Variants in TMEM217 observed in about 807,000 individuals in gnomAD.
TMEM217 encodes the protein chromosome 6 open reading frame 128.
For synonymous variants in TMEM217, 76 were observed against 88.3 expected, an observed-to-expected ratio of 0.86 and a Z score of 0.78; for missense variants, 204 against 248.8, an observed-to-expected ratio of 0.82 and a Z score of 1.21.
chr6:37,222,942 C>G (rs1763627195), intron 1 of TMEM217, among the ~76,000 whole-genome samples: 1 of 143,122 alleles, frequency 7.0e-6, no homozygotes, highest in Non-Finnish European at 1.5e-5. Flanking sequence ...GAAAAAGAAC[C>G]CAAATAGAAT....
At chr6:37,252,286 T>G (rs1765439717) in intron 1 of TMEM217, among the ~76,000 whole-genome samples, 1 of 152,108 alleles carries the variant, frequency 6.6e-6, no homozygotes, top group Non-Finnish European at 1.5e-5. Context: ...GTGGATAAAA[T>G]AAGTTTTATT....
chr6:37,227,454 T>A (rs1466545117), intron 1 of TMEM217, among the ~76,000 whole-genome samples: 1 of 152,230 alleles, frequency 6.6e-6, no homozygotes, highest in Non-Finnish European at 1.5e-5. Flanking sequence ...TTTTGTTTTT[T>A]GTTTTTGTTT....
At chr6:37,221,629 G>T (rs1375030844) in intron 1 of TMEM217, among the ~76,000 whole-genome samples, 2 of 152,174 alleles carry the variant, frequency 1.3e-5, no homozygotes, top group African/African-American at 4.8e-5. Flanking sequence ...GAAAATATAT[G>T]AAGAAACAGG....
chr6:37,257,872 G>A, exon 1 of TMEM217: 1 of 1,601,170 alleles, frequency 6.2e-7, no homozygotes, highest in Non-Finnish European at 8.5e-7. Context: ...GCATCTCGCC[G>A]GGCAAACCCT....
At chr6:37,230,595 G>A (rs925404046) in intron 1 of TMEM217, among the ~76,000 whole-genome samples, 1 of 152,020 alleles carries the variant, frequency 6.6e-6, no homozygotes, top group Admixed American at 6.6e-5. Context: ...ATGGCGCAGG[G>A]GTGGTGAGGG....
chr6:37,223,602 G>A (rs1015215264), intron 1 of TMEM217, among the ~76,000 whole-genome samples: 2 of 152,082 alleles, frequency 1.3e-5, no homozygotes, highest in Admixed American at 6.6e-5. Context: ...TCTGCCTCCC[G>A]GGTTCAAGCA....
chr6:37,243,628 C>G (rs1764903793), intron 1 of TMEM217, among the ~76,000 whole-genome samples: 1 of 152,154 alleles, frequency 6.6e-6, no homozygotes, highest in African/African-American at 2.4e-5. Context: ...GACAGAGTTT[C>G]TCTCTTGTTG....
chr6:37,231,589 C>T (rs1319544928), intron 1 of TMEM217, among the ~76,000 whole-genome samples: 5 of 147,224 alleles, frequency 3.4e-5, no homozygotes, highest in Non-Finnish European at 6.0e-5. Context: ...AGGAGAATGG[C>T]GTGAACCCGG....
At chr6:37,231,440 C>T (rs1283558885) in intron 1 of TMEM217, among the ~76,000 whole-genome samples, 9 of 149,804 alleles carry the variant, frequency 6.0e-5, no homozygotes, top group Non-Finnish European at 8.9e-5. Context: ...TTTGGGAGGC[C>T]GAGGCAGGCG....
At chr6:37,242,434 T>A (rs1764815347) in intron 1 of TMEM217, among the ~76,000 whole-genome samples, 1 of 152,226 alleles carries the variant, frequency 6.6e-6, no homozygotes, top group Non-Finnish European at 1.5e-5. Context: ...TTTCTTTGCC[T>A]TTAAGAGCCT....
intron 1 of TMEM217, among the ~76,000 whole-genome samples, chr6:37,238,955 C>A (rs896792467): frequency 1.3e-5 from 2 of 151,792 alleles, no homozygotes; most frequent in African/African-American, 4.8e-5. Flanking sequence ...CAGGGTGAAA[C>A]CCTGTCTCTA....
intron 1 of TMEM217, among the ~76,000 whole-genome samples, chr6:37,224,523 A>G (rs898434014): frequency 6.6e-6 from 1 of 151,970 alleles, no homozygotes; most frequent in African/African-American, 2.4e-5. Flanking sequence ...GCGTGAACCC[A>G]GGAGGCAGAG....
At chr6:37,216,140 G>T (rs778652706), downstream of TMEM217, among the ~76,000 whole-genome samples, 1 of 152,030 alleles carries the variant, frequency 6.6e-6, no homozygotes, top group Non-Finnish European at 1.5e-5. Context: ...GTGCAGTGGT[G>T]CAATTATGGC....
At chr6:37,216,653 G>A (rs1385560589), downstream of TMEM217, among the ~76,000 whole-genome samples, 3 of 152,152 alleles carry the variant, frequency 2.0e-5, no homozygotes, top group Non-Finnish European at 4.4e-5. Context: ...CAATGACAAG[G>A]ACAGCTTGCC....
chr6:37,238,157 T>A (rs1764588429), intron 1 of TMEM217, among the ~76,000 whole-genome samples: 2 of 86,152 alleles, frequency 2.3e-5, no homozygotes, highest in African/African-American at 4.0e-5. Context: ...AAAGTAGAAT[T>A]AAAAACACTG....
downstream of TMEM217, among the ~76,000 whole-genome samples, chr6:37,213,755 C>T (rs1226561286): frequency 6.6e-6 from 1 of 152,256 alleles, no homozygotes; most frequent in Non-Finnish European, 1.5e-5. Context: ...GGACCTAAGG[C>T]TGGAGTAGGC....
intron 1 of TMEM217, among the ~76,000 whole-genome samples, chr6:37,224,619 A>AG (rs1763713091): frequency 1.3e-5 from 2 of 149,116 alleles, no homozygotes; most frequent in African/African-American, 4.9e-5. Flanking sequence ...ACAAACGAAA[A>AG]AAAAACCTTT....
rs969100789 is a variant in TMEM217 at position 37,228,442 on chromosome 6, G to A, written c.-11-9401C>T. Among the ~76,000 whole-genome samples, 3 of 152,316 alleles carry A rather than the reference G, an allele frequency of 2.0e-5. No individual in the cohort carries two copies. The East Asian group carries it at 5.8e-4, about 29-fold the overall frequency. On this transcript the variant is annotated intron_variant, in intron 1 of 1. Transcript: ENST00000357219. The stretch of plus-strand genomic sequence containing the variant: ...AATAAGGCCAGGCGTGATGGCTCAC[G>A]CTTGTAATCTCAGCACTTTGAGAGA...
intron 1 of TMEM217, among the ~76,000 whole-genome samples, chr6:37,247,237 G>T (rs567120484): frequency 8.2e-4 from 125 of 152,228 alleles, no homozygotes; most frequent in Non-Finnish European, 1.5e-3. Flanking sequence ...GCTACTTATG[G>T]TTAATTTTAG....
Sources: allele counts gnomAD v4.1 joint callset (sites outside exome capture counted in the v4.1 genomes callset), GRCh38; gene constraint gnomAD v4.1.1; transcripts MANE v1.5; gene names NCBI Gene and HGNC (gene_info 2026-07-23, HGNC 2026-07-21).